Variants in COL18A1 observed in about 807,000 individuals in gnomAD.
The protein encoded by COL18A1 is collagen alpha-1(XVIII) chain.
COL18A1 carries 133 observed loss-of-function variants against 168.0 expected under a neutral mutation model. The ratio of observed to expected loss-of-function variants is 0.79; its 90% CI spans 0.69 to 0.91. The LOEUF (loss-of-function observed/expected upper bound fraction) is 0.91, where lower values mean the gene tolerates loss of function less well. COL18A1 is among the 40% of genes least tolerant of loss of function. COL18A1 has a pLI of 0.00. For synonymous variants in COL18A1, 949 were observed against 809.0 expected, an observed-to-expected ratio of 1.17 and a Z score of -2.94; for missense variants, 2,126 against 1,925.4, an observed-to-expected ratio of 1.10 and a Z score of -1.95.
At chr21:45,455,675 C>T (rs1174019224) in intron 2 of COL18A1, 2 of 1,613,878 alleles carry the variant, frequency 1.2e-6, no homozygotes, top group East Asian at 2.2e-5. Context: ...CCCTGAGCCC[C>T]AGGGGCCCCT....
intron 2 of COL18A1, chr21:45,420,202 T>G (rs1216582172): frequency 6.6e-6 from 1 of 152,208 alleles, no homozygotes; most frequent in Non-Finnish European, 1.5e-5. Context: ...GCTGGCACTG[T>G]GCATGGCTGG....
chr21:45,481,748 G>T (rs114132145), intron 13 of COL18A1, among the ~76,000 whole-genome samples: 1 of 152,208 alleles, frequency 6.6e-6, no homozygotes, highest in South Asian at 2.1e-4. Context: ...TGGTGCTGTC[G>T]GCTCTGCCAT....
At chr21:45,422,422 A>G (rs770916362) in intron 2 of COL18A1, 51 of 524,420 alleles carry the variant, frequency 9.7e-5, no homozygotes, top group South Asian at 7.1e-4. Flanking sequence ...CTCTTCCTGC[A>G]GCTTTTGAAG....
intron 2 of COL18A1, among the ~76,000 whole-genome samples, chr21:45,441,200 C>A (rs999650086): frequency 5.9e-5 from 9 of 152,354 alleles, no homozygotes; most frequent in African/African-American, 1.7e-4. Flanking sequence ...AGCTCCCCTA[C>A]ACACAGAGGC....
intron 2 of COL18A1, among the ~76,000 whole-genome samples, chr21:45,434,495 G>A (rs1365788325): frequency 6.6e-6 from 1 of 152,196 alleles, no homozygotes; most frequent in Non-Finnish European, 1.5e-5. Context: ...GCCAGAGGCT[G>A]GGACTCCCTG....
In COL18A1 at chr21:45,493,272, G is replaced by C. The variant is rs2297290; in HGVS notation, c.2277+47G>C. The C allele has an allele frequency of 0.015, 23,924 of 1,545,366 alleles. 931 individuals carry two copies. Among genetic ancestry groups the C allele is most frequent in the East Asian group, 0.13 (5,319 of 40,886 alleles). On this transcript the variant is annotated intron_variant, in intron 25 of 41. Coordinates refer to ENST00000651438, the MANE Select transcript of COL18A1 (RefSeq NM_001379500.1). ...CCTCAACCCCCTTTGTGACCCAGGGGTGGCTCCAGCCTGCCCAGATGACCA... is the reference window on the plus strand; with the variant it reads ...CCTCAACCCCCTTTGTGACCCAGGGCTGGCTCCAGCCTGCCCAGATGACCA...
chr21:45,427,201 G>T (rs924122565), intron 2 of COL18A1, among the ~76,000 whole-genome samples: 2 of 152,172 alleles, frequency 1.3e-5, no homozygotes, highest in African/African-American at 4.8e-5. Context: ...TCTGTTCTCC[G>T]TGTGGGTGCC....
chr21:45,480,163 C>G lies in COL18A1; in HGVS notation c.1398+7C>G, dbSNP rs74439012. 3,429 of 1,533,192 alleles carry G rather than the reference C, an allele frequency of 2.2e-3. 84 individuals carry two copies. The African/African-American group carries it at 0.04, about 18-fold the overall frequency. The allele number at this position is 1,533,192 out of a possible 1,614,324, so 95.0% of individuals were successfully genotyped here. On this transcript the variant is annotated splice_region_variant and intron_variant, in intron 11 of 41. Coordinates refer to ENST00000651438, the MANE Select transcript of COL18A1 (RefSeq NM_001379500.1). ...CTTCAGACACGACAAGCTGGTAAGT[C>G]CCGCCCTTGGCTTCCTGCGACCCGG...
At position 45,489,247 on chromosome 21, in the gene COL18A1, T is replaced by C. The variant is rs561807675; in HGVS notation, c.1924-239T>C. 2.6e-5 allele frequency among the ~76,000 whole-genome samples: 4 copies of C among 152,316 alleles called. No individual in the cohort carries two copies. In the South Asian group the frequency reaches 8.3e-4, roughly 32 times the overall value. On this transcript the variant is annotated intron_variant, in intron 18 of 41. Transcript: ENST00000651438. ...GGGTTCCTCTTGCAGTCTGCAGTCC[T>C]AGTGATGGAATATGTCCCCAGGTTC...
chr21:45,456,861 T>C, intron 2 of COL18A1: 1 of 1,460,720 alleles, frequency 6.8e-7, no homozygotes. Flanking sequence ...GGGTACTGTG[T>C]GCTCATTGGG....
intron 27 of COL18A1, 61 bp from the exon 28 acceptor site, chr21:45,494,801 C>T: frequency 6.7e-7 from 1 of 1,500,474 alleles, no homozygotes. Flanking sequence ...CCCAGGACCC[C>T]CCAACTCGTG....
At chr21:45,445,423 G>A (rs1169225461) in intron 2 of COL18A1, among the ~76,000 whole-genome samples, 1 of 152,210 alleles carries the variant, frequency 6.6e-6, no homozygotes, top group Non-Finnish European at 1.5e-5. Context: ...GTGAACACTT[G>A]TGTACAAGTT....
chr21:45,412,317 A>G (rs1309182800), intron 2 of COL18A1, among the ~76,000 whole-genome samples: 3 of 147,596 alleles, frequency 2.0e-5, no homozygotes, highest in Non-Finnish European at 3.0e-5. Context: ...GCGCCCTGCA[A>G]CCTCCATCTT....
intron 2 of COL18A1, among the ~76,000 whole-genome samples, chr21:45,437,137 T>C (rs1489690078): frequency 2.4e-5 from 2 of 83,678 alleles, no homozygotes; most frequent in Non-Finnish European, 4.4e-5. Context: ...ACAGGCACTC[T>C]CCACACACAC....
chr21:45,435,729 G>A (rs2034079246), intron 2 of COL18A1, among the ~76,000 whole-genome samples: 1 of 152,096 alleles, frequency 6.6e-6, no homozygotes, highest in Non-Finnish European at 1.5e-5. Context: ...GTCTGCCGTG[G>A]GCTGAGGCAT....
intron 2 of COL18A1, among the ~76,000 whole-genome samples, chr21:45,440,868 C>A (rs1252835002): frequency 2.0e-5 from 3 of 152,192 alleles, no homozygotes; most frequent in Non-Finnish European, 2.9e-5. Flanking sequence ...TGAGGTTTCC[C>A]AGCACCCTGG....
At chr21:45,480,575 G>A in intron 12 of COL18A1, 55 bp downstream of exon 12, 1 of 1,613,886 alleles carries the variant, frequency 6.2e-7, no homozygotes, top group Non-Finnish European at 8.5e-7. Context: ...TGAGGAACAG[G>A]CCATGGACCC....
At chr21:45,505,714 C>T (rs1308084898) in intron 36 of COL18A1, 124 bp from the exon 37 acceptor site, 2 of 812,548 alleles carry the variant, frequency 2.5e-6, no homozygotes, top group East Asian at 2.7e-5. Context: ...GCAGCCGCCT[C>T]AGTCCACACC....
intron 32 of COL18A1, chr21:45,503,119 A>G (rs2036953707): frequency 6.6e-6 from 1 of 152,190 alleles, no homozygotes; most frequent in Non-Finnish European, 1.5e-5. Context: ...TGGTATTTCT[A>G]GTTCTAGATC....
Sources: allele counts gnomAD v4.1 joint callset (sites outside exome capture counted in the v4.1 genomes callset), GRCh38; gene constraint gnomAD v4.1.1; transcripts MANE v1.5; gene names NCBI Gene and HGNC (gene_info 2026-07-23, HGNC 2026-07-21).